Variants in EEF2K observed in about 807,000 individuals in gnomAD.
EEF2K encodes alternative protein EEF2K.
Under a neutral mutation model 93.8 loss-of-function variants are expected in EEF2K, and 70 were observed. The observed-to-expected ratio is 0.75, with a 90% CI of 0.62 to 0.91. The LOEUF (loss-of-function observed/expected upper bound fraction) is 0.91, where lower values mean the gene tolerates loss of function less well. Ranked by LOEUF, EEF2K falls within the 40% of genes least tolerant of loss-of-function variation. EEF2K has a pLI of 0.00. For synonymous variants in EEF2K, 376 were observed against 380.8 expected (o/e 0.99, Z 0.15); for missense variants, 935 against 972.9 (o/e 0.96, Z 0.52).
rs779148747 is a variant in EEF2K, at chr16:22,283,900, C to G, written c.2082C>G (p.Thr694=). Residue 694 remains threonine, a synonymous_variant, in exon 18 of 18, where the codon ACC becomes ACG. Coordinates refer to ENST00000263026, the MANE Select transcript of EEF2K (RefSeq NM_013302.5). The part of the protein sequence containing the change: ...KDPQRSGDLY[T]QAAEAAMEAM... ...GCTGTCTTTCAGGGGACTTGTATAC[C>G]CAGGCAGCAGAGGCAGCGATGGAAG... The G allele has an allele frequency of 8.8e-6, 14 of 1,595,848 alleles. No homozygotes were observed. The African/African-American group carries it at 1.3e-4, about 15-fold the overall frequency.
chr16:22,273,513 C>T, intron 15 of EEF2K, 113 bp from the exon 16 acceptor site: 8 of 1,495,854 alleles, frequency 5.3e-6, no homozygotes, highest in Non-Finnish European at 7.2e-6. Context: ...TCTATAGCCT[C>T]CCAACCCGGA....
At position 22,285,909 on chromosome 16, in the gene EEF2K, G is replaced by T. The variant is rs958856395; in HGVS notation, c.*1913G>T. ...GGGTCTCACTGTGTTGCCCAGGCTGGTCTCGAACTCCTGGACTTAAGTGAG... is the reference window on the plus strand; with the variant it reads ...GGGTCTCACTGTGTTGCCCAGGCTGTTCTCGAACTCCTGGACTTAAGTGAG... On this transcript the variant is annotated 3_prime_UTR_variant, in exon 18 of 18. Transcript: ENST00000263026. 3 of 151,954 alleles carry T rather than the reference G, an allele frequency of 2.0e-5. No individual in the cohort carries two copies. Among genetic ancestry groups the T allele is most frequent in the African/African-American group, 7.3e-5 (3 of 41,372 alleles). 9.4% of individuals were successfully genotyped at this position (151,954 alleles called of 1,614,324 possible).
At chr16:22,273,772 A>G (rs1391702534) in intron 16 of EEF2K, 22 bp downstream of exon 16, 4 of 1,610,510 alleles carry the variant, frequency 2.5e-6, no homozygotes, top group Admixed American at 3.3e-5. Context: ...GTCACCCAGG[A>G]GGAGCTGGTA....
At chr16:22,256,986 T>C in intron 7 of EEF2K, 89 bp downstream of exon 7, 1 of 1,565,254 alleles carries the variant, frequency 6.4e-7, no homozygotes, top group African/African-American at 1.3e-5. Flanking sequence ...GGAAGGTCCC[T>C]GTGGGCTTGG....
At chr16:22,260,992 C>CT (rs1288677314) in intron 11 of EEF2K, among the ~76,000 whole-genome samples, 2 of 152,166 alleles carry the variant, frequency 1.3e-5, no homozygotes, top group Non-Finnish European at 1.5e-5. Context: ...TGGTAAGAAA[C>CT]TGAAGGCATC....
intron 16 of EEF2K, among the ~76,000 whole-genome samples, chr16:22,277,422 A>C (rs975122859): frequency 6.6e-6 from 1 of 152,248 alleles, no homozygotes; most frequent in Admixed American, 6.5e-5. Flanking sequence ...GGCATGAGCC[A>C]TATCTGGCCA....
intron 6 of EEF2K, among the ~76,000 whole-genome samples, chr16:22,252,714 G>A (rs2047363198): frequency 6.6e-6 from 1 of 152,180 alleles, no homozygotes; most frequent in Non-Finnish European, 1.5e-5. Flanking sequence ...CCAAGACTGG[G>A]TAATTTATAA....
At chr16:22,278,932 A>G (rs1406023726) in intron 16 of EEF2K, among the ~76,000 whole-genome samples, 1 of 152,110 alleles carries the variant, frequency 6.6e-6, no homozygotes, top group Non-Finnish European at 1.5e-5. Flanking sequence ...TGCTGGAGGC[A>G]ATTTTACATA....
Position 22,283,901 on chromosome 16 carries a change from C to CAGGCAGCAG in EEF2K, c.2091_2099dup (p.Glu698_Ala700dup). On this transcript the variant is annotated inframe_insertion, in exon 18 of 18. Transcript: ENST00000263026. ...CTGTCTTTCAGGGGACTTGTATACCCAGGCAGCAGAGGCAGCGATGGAAGC... is the reference window on the plus strand; with the variant it reads ...CTGTCTTTCAGGGGACTTGTATACCCAGGCAGCAGAGGCAGCAGAGGCAGCGATGGAAGC... The CAGGCAGCAG allele has an allele frequency of 6.3e-7, 1 of 1,596,718 alleles. No homozygotes were observed. Among genetic ancestry groups the CAGGCAGCAG allele is most frequent in the Non-Finnish European group, 8.5e-7 (1 of 1,171,782 alleles).
intron 9 of EEF2K, 139 bp downstream of exon 9, chr16:22,257,909 T>C: frequency 2.3e-6 from 3 of 1,332,312 alleles, no homozygotes; most frequent in Non-Finnish European, 1.0e-6. Flanking sequence ...ATCTGTCCCA[T>C]CCATGCCCCA....
chr16:22,229,576 C>T (rs1420121455), intron 2 of EEF2K, among the ~76,000 whole-genome samples: 1 of 152,154 alleles, frequency 6.6e-6, no homozygotes, highest in Non-Finnish European at 1.5e-5. Context: ...TTGGTGCCAC[C>T]TGTGGTCCCA....
rs997457814 is a variant in EEF2K, at chr16:22,248,924, A to G, written c.408+109A>G. 5 of 1,126,804 alleles carry G rather than the reference A, an allele frequency of 4.4e-6. No individual in the cohort carries two copies. In the Admixed American group the frequency reaches 9.8e-5, roughly 22 times the overall value. 69.8% of individuals were successfully genotyped at this position (1,126,804 alleles called of 1,614,324 possible). ...CACTCCCACTTTATTTAATTTTTGT[A>G]ACTTCGGGGGATTCTTTGTTATTGT... On this transcript the variant is annotated intron_variant, in intron 4 of 17. Coordinates refer to ENST00000263026, the MANE Select transcript of EEF2K (RefSeq NM_013302.5).
chr16:22,251,184 G>C lies in EEF2K; in HGVS notation c.480G>C (p.Gln160His). ...KKLSNFLHAQ[Q>H]WKGASNYVAK... ...TCTCCAACTTCTTGCATGCCCAGCA[G>C]TGGAAGGGCGCCTCCAACTACGTGG... The change falls in exon 6 of 18, where the codon CAG (glutamine) becomes CAC (histidine). Residue 160 changes from glutamine to histidine, a missense_variant. Transcript: ENST00000263026. 1 of 1,614,130 alleles carries C rather than the reference G, an allele frequency of 6.2e-7. No individual in the cohort carries two copies. The highest frequency in any genetic ancestry group is 8.5e-7 in the Non-Finnish European group (1 of 1,179,998).
Position 22,225,953 on chromosome 16 carries a change from C to T in EEF2K, c.224C>T (p.Pro75Leu), listed in dbSNP as rs752819759. 4 of 1,614,092 alleles carry T rather than the reference C, an allele frequency of 2.5e-6. No homozygotes were observed. The highest frequency in any genetic ancestry group is 1.1e-5 in the South Asian group (1 of 91,072). The change falls in exon 2 of 18, where the codon CCG becomes CTG. Residue 75 changes from proline to leucine, a missense_variant. Transcript: ENST00000263026. ...GAGCGGTATAGCTCCAGCGGGTCCC[C>T]GGCAAACTCCTTCCACTTCAAGGTG... ...KSERYSSSGS[P>L]ANSFHFKEAW... is the part of the protein sequence containing the mutation.
chr16:22,266,307 C>A, intron 13 of EEF2K, 83 bp from the exon 14 acceptor site: 1 of 1,522,490 alleles, frequency 6.6e-7, no homozygotes, highest in Non-Finnish European at 8.8e-7. Flanking sequence ...CAGCCAGGCT[C>A]CTGTGTAGTA....
intron 4 of EEF2K, among the ~76,000 whole-genome samples, chr16:22,249,762 C>A (rs917508005): frequency 2.6e-5 from 4 of 151,710 alleles, no homozygotes; most frequent in Non-Finnish European, 5.9e-5. Context: ...GGTGCACCGT[C>A]ACACCCAGTC....
chr16:22,227,309 C>T (rs866160294), intron 2 of EEF2K, among the ~76,000 whole-genome samples: 3 of 150,816 alleles, frequency 2.0e-5, no homozygotes, highest in South Asian at 2.1e-4. Flanking sequence ...CTGAAACGTC[C>T]GCCTCCTGGG....
intron 6 of EEF2K, among the ~76,000 whole-genome samples, chr16:22,256,446 G>A (rs930622761): frequency 2.6e-5 from 4 of 151,980 alleles, no homozygotes; most frequent in Non-Finnish European, 5.9e-5. Flanking sequence ...TGTTGGCCAG[G>A]CTGGTCTCGA....
intron 6 of EEF2K, among the ~76,000 whole-genome samples, chr16:22,254,052 T>C (rs1598189571): frequency 6.6e-6 from 1 of 152,004 alleles, no homozygotes; most frequent in Non-Finnish European, 1.5e-5. Flanking sequence ...TGAGCCGAGA[T>C]TGGGCTACTG....
Sources: allele counts gnomAD v4.1 joint callset (sites outside exome capture counted in the v4.1 genomes callset), GRCh38; gene constraint gnomAD v4.1.1; transcripts MANE v1.5; gene names NCBI Gene and HGNC (gene_info 2026-07-23, HGNC 2026-07-21).